Variants in PITPNM3 observed in about 807,000 individuals in gnomAD.
The protein encoded by PITPNM3 is membrane-associated phosphatidylinositol transfer protein 3.
PITPNM3 carries 26 observed loss-of-function variants against 102.0 expected under a neutral mutation model. The ratio of observed to expected loss-of-function variants is 0.25; its 90% CI spans 0.19 to 0.35. The LOEUF is 0.35. PITPNM3 is among the 10% of genes least tolerant of loss of function. The pLI, the probability that PITPNM3 is intolerant of heterozygous loss-of-function variation, is 1.00. For missense variants in PITPNM3, 1,083 were observed against 1,346.1 expected (o/e 0.80, Z 3.06); for synonymous variants, 578 against 558.6 (o/e 1.03, Z -0.49).
intron 4 of PITPNM3, 101 bp from the exon 5 acceptor site, chr17:6,484,393 A>G: frequency 8.4e-7 from 1 of 1,189,046 alleles, no homozygotes; most frequent in Non-Finnish European, 1.3e-6. Flanking sequence ...CTTGGCTTAC[A>G]TCACAGGTGA....
intron 3 of PITPNM3, among the ~76,000 whole-genome samples, chr17:6,514,572 A>G (rs1908047875): frequency 6.6e-6 from 1 of 152,230 alleles, no homozygotes. Flanking sequence ...CACACCTGCT[A>G]GGATGGCTAT....
chr17:6,532,676 C>T (rs894826836), intron 2 of PITPNM3, among the ~76,000 whole-genome samples: 3 of 152,066 alleles, frequency 2.0e-5, no homozygotes, highest in African/African-American at 7.2e-5. Context: ...TGGTCCGTTC[C>T]TTCTTAACTG....
chr17:6,536,615 C>G (rs1909449353), intron 2 of PITPNM3, among the ~76,000 whole-genome samples: 1 of 152,176 alleles, frequency 6.6e-6, no homozygotes, highest in South Asian at 2.1e-4. Context: ...GTCTTCTCCA[C>G]TGTTGGAGGC....
At chr17:6,467,540 G>A (rs1178390150) in intron 14 of PITPNM3, among the ~76,000 whole-genome samples, 1 of 152,192 alleles carries the variant, frequency 6.6e-6, no homozygotes, top group Non-Finnish European at 1.5e-5. Context: ...CCAAAAAAGA[G>A]TTGGTTCATG....
chr17:6,542,854 C>T (rs1385445582), intron 1 of PITPNM3, among the ~76,000 whole-genome samples: 1 of 152,146 alleles, frequency 6.6e-6, no homozygotes, highest in African/African-American at 2.4e-5. Context: ...TGAAGACCCT[C>T]CTTCCATCCA....
Position 6,472,926 on chromosome 17 carries a change from C to A in PITPNM3, c.1259-99G>T. 1 of 1,394,798 alleles carries A rather than the reference C, an allele frequency of 7.2e-7. No individual in the cohort carries two copies. Among genetic ancestry groups the A allele is most frequent in the African/African-American group, 1.4e-5 (1 of 70,090 alleles). 86.4% of individuals were successfully genotyped at this position (1,394,798 alleles called of 1,614,324 possible). A position where few individuals can be genotyped will look rare whatever the true frequency, so the allele number is the denominator to read the frequency against. ...ATGCAGCCTGGAGTAGCCTACTCCC[C>A]TCTCAAGAGCCTCCCCGGGCTCCCT... On this transcript the variant is annotated intron_variant, in intron 10 of 19. Coordinates refer to ENST00000262483, the MANE Select transcript of PITPNM3 (RefSeq NM_031220.4). This position sits in a 1 kb window ranked among gnomAD's most constrained non-coding sequence, Gnocchi z 4.1.
chr17:6,451,892 C>CCCCCCCCA lies in PITPNM3; in HGVS notation c.*3445_*3446insTGGGGGGG. The CCCCCCCCA allele has an allele frequency of 1.1e-5, 1 of 94,514 alleles. No homozygotes were observed. Among genetic ancestry groups the CCCCCCCCA allele is most frequent in the African/African-American group, 4.2e-5 (1 of 23,854 alleles). The allele number at this position is 94,514 out of a possible 1,614,324, so 5.9% of individuals were successfully genotyped here. A position where few individuals can be genotyped will look rare whatever the true frequency, so the allele number is the denominator to read the frequency against. On this transcript the variant is annotated 3_prime_UTR_variant, in exon 20 of 20. Coordinates refer to ENST00000262483, the MANE Select transcript of PITPNM3 (RefSeq NM_031220.4). ...ACCCAAACCCCCCCCCCCCGCCCGC[C>CCCCCCCCA]GATGGGATTCGGTGGGAAAGTTGGT...
At chr17:6,499,158 G>C (rs1018600923) in intron 4 of PITPNM3, among the ~76,000 whole-genome samples, 24 of 152,078 alleles carry the variant, frequency 1.6e-4, no homozygotes, top group Admixed American at 2.6e-4. Flanking sequence ...TGGTTCCCTT[G>C]GCTTCCTCTA....
intron 1 of PITPNM3, among the ~76,000 whole-genome samples, chr17:6,544,480 C>A (rs1478450361): frequency 6.6e-6 from 1 of 152,056 alleles, no homozygotes; most frequent in African/African-American, 2.4e-5. Context: ...TGCATTGAGC[C>A]ATGATCATGC....
At chr17:6,498,530 G>A (rs968602713) in intron 4 of PITPNM3, among the ~76,000 whole-genome samples, 2 of 152,214 alleles carry the variant, frequency 1.3e-5, no homozygotes, top group African/African-American at 4.8e-5. Flanking sequence ...GGGTGAGATG[G>A]GAAGCAGGAA....
At chr17:6,530,339 A>G (rs17804008) in intron 2 of PITPNM3, among the ~76,000 whole-genome samples, 44,425 of 152,092 alleles carry the variant, frequency 0.29, 7,104 homozygotes, top group Middle Eastern at 0.47. Flanking sequence ...CTGACTTTGA[A>G]ATTTCGTCTG....
intron 9 of PITPNM3, among the ~76,000 whole-genome samples, chr17:6,476,217 CAATG>C (rs1905294216): frequency 7.2e-5 from 11 of 151,990 alleles, no homozygotes; most frequent in Admixed American, 7.2e-4. Context: ...TCTATGTTAA[CAATG>C]AGACTGTTGG....
intron 3 of PITPNM3, among the ~76,000 whole-genome samples, chr17:6,520,793 T>C (rs1908463299): frequency 6.6e-6 from 1 of 152,206 alleles, no homozygotes; most frequent in Non-Finnish European, 1.5e-5. Context: ...AAGGGAAAGT[T>C]ACTCAGCCCC....
chr17:6,544,656 A>T (rs11868241), intron 1 of PITPNM3, among the ~76,000 whole-genome samples: 170 of 63,398 alleles, frequency 2.7e-3, no homozygotes, highest in South Asian at 4.9e-3. Context: ...TCTCTCTCTC[A>T]CACACACACA....
intron 1 of PITPNM3, among the ~76,000 whole-genome samples, chr17:6,543,800 C>A (rs1305176602): frequency 6.6e-6 from 1 of 152,128 alleles, no homozygotes; most frequent in East Asian, 1.9e-4. Flanking sequence ...CAGGGACTGG[C>A]TAGGGTACCC....
At chr17:6,465,297 C>T (rs912562527) in intron 14 of PITPNM3, among the ~76,000 whole-genome samples, 2 of 152,186 alleles carry the variant, frequency 1.3e-5, no homozygotes, top group African/African-American at 2.4e-5. Context: ...CTGCCTACCT[C>T]GGACTCCCAA....
chr17:6,528,094 C>T (rs992062561), intron 2 of PITPNM3, among the ~76,000 whole-genome samples: 4 of 152,218 alleles, frequency 2.6e-5, no homozygotes, highest in Non-Finnish European at 4.4e-5. Flanking sequence ...ACATCTGGCC[C>T]TGACTCACTC....
chr17:6,550,452 G>T (rs1292443773), intron 1 of PITPNM3, among the ~76,000 whole-genome samples: 1 of 152,188 alleles, frequency 6.6e-6, no homozygotes, highest in Non-Finnish European at 1.5e-5. Flanking sequence ...AGAATTCCTG[G>T]AAGGCAGCTG....
In PITPNM3 at chr17:6,457,744, G is replaced by A; in HGVS notation, c.2491-22C>T. On this transcript the variant is annotated intron_variant, in intron 18 of 19. Transcript: ENST00000262483. The surrounding 1 kb of genome is among the most constrained non-coding windows in gnomAD (Gnocchi z 4.7). ...AGCACTGAAACACAGGGCAGGCATA[G>A]GGGGAGAGTGAGGCCAGCCCACCCC... 6.4e-7 allele frequency: 1 copy of A among 1,564,542 alleles called. No individual in the cohort carries two copies. The highest frequency in any genetic ancestry group is 8.7e-7 in the Non-Finnish European group (1 of 1,155,080).
Sources: gnomAD v4.1 joint callset for allele counts (sites outside exome capture counted in the v4.1 genomes callset) on GRCh38, gnomAD v4.1.1 for gene constraint, Gnocchi (gnomAD v3.1) non-coding constraint, MANE v1.5 for transcripts, NCBI Gene and HGNC (gene_info 2026-07-23, HGNC 2026-07-21) for gene names.